Variants in TNS1 observed in about 807,000 individuals in gnomAD.
The protein encoded by TNS1 is tensin-1.
In TNS1, 62 loss-of-function variants were observed where a neutral mutation model predicts 168.6. The ratio of observed to expected loss-of-function variants is 0.37; its 90% CI spans 0.30 to 0.45. TNS1 has a LOEUF of 0.45. TNS1 is among the 20% of genes least tolerant of loss of function. The pLI, the probability that TNS1 is intolerant of heterozygous loss-of-function variation, is 1.00. For synonymous variants in TNS1, 934 were observed against 933.2 expected, an observed-to-expected ratio of 1.00 and a Z score of -0.02; for missense variants, 2,240 against 2,339.4, an observed-to-expected ratio of 0.96 and a Z score of 0.88.
At chr2:217,877,118 C>T (rs1304843318) in intron 18 of TNS1, among the ~76,000 whole-genome samples, 1 of 152,176 alleles carries the variant, frequency 6.6e-6, no homozygotes, top group Non-Finnish European at 1.5e-5. Flanking sequence ...TCTTCACCCT[C>T]ATCACGCCCC....
At chr2:217,959,803 G>A (rs1240686750) in intron 3 of TNS1, among the ~76,000 whole-genome samples, 1 of 151,996 alleles carries the variant, frequency 6.6e-6, no homozygotes, top group Non-Finnish European at 1.5e-5. Flanking sequence ...AGAGGCAGCT[G>A]GACGCCTCTG....
chr2:217,930,886 G>A (rs967005597), intron 3 of TNS1, among the ~76,000 whole-genome samples: 1 of 152,150 alleles, frequency 6.6e-6, no homozygotes, highest in Non-Finnish European at 1.5e-5. Context: ...GGAGGCTGGG[G>A]GACAGGGCCG....
chr2:217,968,160 CA>C (rs1559392820), intron 3 of TNS1, among the ~76,000 whole-genome samples: 1 of 152,150 alleles, frequency 6.6e-6, no homozygotes, highest in Non-Finnish European at 1.5e-5. Context: ...TGATGAAGGG[CA>C]TCTGTGAAAA....
At chr2:217,836,816 T>C (rs1945238908) in intron 19 of TNS1, among the ~76,000 whole-genome samples, 1 of 152,158 alleles carries the variant, frequency 6.6e-6, no homozygotes, top group South Asian at 2.1e-4. Context: ...TATACTGGCC[T>C]CTTAGCTCCC....
intron 3 of TNS1, among the ~76,000 whole-genome samples, chr2:217,949,757 A>G (rs1957197342): frequency 6.6e-6 from 1 of 152,208 alleles, no homozygotes; most frequent in South Asian, 2.1e-4. Flanking sequence ...AAAGAAAAGA[A>G]AAGAAAAAAG....
chr2:218,010,108 G>A, exon 1 of TNS1: 1 of 399,184 alleles, frequency 2.5e-6, no homozygotes, highest in Non-Finnish European at 4.4e-6. Flanking sequence ...ACCTGGCTGC[G>A]GAGGCAGAAG....
chr2:217,814,788 G>A lies in TNS1; in HGVS notation c.4729+124C>T, dbSNP rs554141762. 6 of 725,420 alleles carry A rather than the reference G, an allele frequency of 8.3e-6. No individual in the cohort carries two copies. The African/African-American group carries it at 1.1e-4, about 13-fold the overall frequency. The allele number at this position is 725,420 out of a possible 1,614,324, so 44.9% of individuals were successfully genotyped here. Reference sequence around the variant, plus strand: ...TTCCTACTGTCCAGCTTCAACCCCAGCCCCCTCTGTGATGACCCCCTGCTA... The same window carrying A: ...TTCCTACTGTCCAGCTTCAACCCCAACCCCCTCTGTGATGACCCCCTGCTA... On this transcript the variant is annotated intron_variant, in intron 25 of 32. Transcript: ENST00000682258.
intron 3 of TNS1, among the ~76,000 whole-genome samples, chr2:217,923,007 C>T (rs1237696955): frequency 1.3e-5 from 2 of 152,220 alleles, no homozygotes; most frequent in South Asian, 2.1e-4. Context: ...TGGCCCCTGG[C>T]CACCCTCTCA....
intron 3 of TNS1, among the ~76,000 whole-genome samples, chr2:217,931,472 C>CG (rs1039289727): frequency 1.3e-5 from 2 of 152,146 alleles, no homozygotes; most frequent in Non-Finnish European, 2.9e-5. Context: ...AGGGTAGGTG[C>CG]GGGGGGCTAA....
intron 23 of TNS1, among the ~76,000 whole-genome samples, chr2:217,821,137 A>G (rs953501073): frequency 6.7e-6 from 1 of 148,980 alleles, no homozygotes; most frequent in Non-Finnish European, 1.5e-5. Context: ...CCCTTCACTC[A>G]TGTGTGGGCT....
At position 217,810,050 on chromosome 2, in the gene TNS1, C is replaced by T. The variant is rs1005220251; in HGVS notation, c.5105-59G>A. On this transcript the variant is annotated intron_variant, in intron 29 of 32. Transcript: ENST00000682258. ...AGCTGGCGTGGGTGAGGACATTAACCCAGATCCATTCTTCAGGGAGAAGGT... is the reference window on the plus strand; with the variant it reads ...AGCTGGCGTGGGTGAGGACATTAACTCAGATCCATTCTTCAGGGAGAAGGT... The T allele has an allele frequency of 5.1e-6, 8 of 1,569,534 alleles. No homozygotes were observed. In the African/African-American group the frequency reaches 8.1e-5, roughly 16 times the overall value.
At chr2:218,027,751 C>A (rs946116651) in intron 1 of TNS1, among the ~76,000 whole-genome samples, 13 of 152,060 alleles carry the variant, frequency 8.5e-5, no homozygotes, top group Non-Finnish European at 1.3e-4. Flanking sequence ...GAGAAGGTGG[C>A]AGATGAGTGG....
chr2:217,898,460 T>G (rs979972438), intron 7 of TNS1, among the ~76,000 whole-genome samples: 4 of 152,216 alleles, frequency 2.6e-5, no homozygotes, highest in Non-Finnish European at 5.9e-5. Flanking sequence ...CCCCTAGCTC[T>G]CGAGCTGTGG....
chr2:217,927,701 G>A (rs949395014), intron 3 of TNS1, among the ~76,000 whole-genome samples: 1 of 152,094 alleles, frequency 6.6e-6, no homozygotes, highest in Non-Finnish European at 1.5e-5. Flanking sequence ...CATTTGCAGT[G>A]ACCCCCATCC....
intron 9 of TNS1, among the ~76,000 whole-genome samples, chr2:217,894,691 C>G (rs1195168775): frequency 6.6e-6 from 1 of 152,002 alleles, no homozygotes; most frequent in African/African-American, 2.4e-5. Flanking sequence ...AAACCGGCAG[C>G]TGGAAGGTCG....
At chr2:217,893,370 GCA>G in intron 10 of TNS1, 67 bp downstream of exon 10, 2 of 1,505,622 alleles carry the variant, frequency 1.3e-6, no homozygotes, top group South Asian at 1.3e-5. Flanking sequence ...ACACATTCAG[GCA>G]CACACACATG....
intron 4 of TNS1, among the ~76,000 whole-genome samples, chr2:217,918,178 C>T (rs985467180): frequency 1.2e-4 from 18 of 152,208 alleles, no homozygotes; most frequent in East Asian, 7.7e-4. Context: ...GATTAATGTG[C>T]TCACTTTGGT....
intron 15 of TNS1, 152 bp downstream of exon 15, chr2:217,885,592 G>A: frequency 1.4e-6 from 1 of 717,756 alleles, no homozygotes; most frequent in South Asian, 1.8e-5. Context: ...GTGTGAGACT[G>A]GAAGGTCTTC....
chr2:217,921,297 A>T (rs1575085770), intron 3 of TNS1, among the ~76,000 whole-genome samples: 1 of 152,192 alleles, frequency 6.6e-6, no homozygotes, highest in Non-Finnish European at 1.5e-5. Flanking sequence ...GCATGAGGTT[A>T]TCTGGGAACA....
Sources: gnomAD v4.1 joint callset for allele counts (sites outside exome capture counted in the v4.1 genomes callset) on GRCh38, gnomAD v4.1.1 for gene constraint, MANE v1.5 for transcripts, NCBI Gene and HGNC (gene_info 2026-07-23, HGNC 2026-07-21) for gene names.